Variants in SLC24A2 observed in about 807,000 individuals in gnomAD.
SLC24A2 encodes solute carrier family 24 member 2.
SLC24A2 carries 36 observed loss-of-function variants against 62.0 expected under a neutral mutation model. The ratio of observed to expected loss-of-function variants is 0.58; its 90% CI spans 0.44 to 0.77. SLC24A2 has a LOEUF of 0.77. Among genes scored for constraint, SLC24A2 ranks in the 30% least tolerant of loss-of-function variants. The pLI is 0.00. For missense variants in SLC24A2, 846 were observed against 817.9 expected, an observed-to-expected ratio of 1.03 and a Z score of -0.42; for synonymous variants, 358 against 294.0, an observed-to-expected ratio of 1.22 and a Z score of -2.23.
At chr9:20,111,971 CAG>C in the SLC24A2 span, among the ~76,000 whole-genome samples, 2 of 152,026 alleles carry the variant, frequency 1.3e-5, no homozygotes, top group East Asian at 1.9e-4. Flanking sequence ...TTGGAAGAAA[CAG>C]AGGAAAACCA....
At chr9:19,761,930 C>T (rs1011907490) in intron 2 of SLC24A2, among the ~76,000 whole-genome samples, 2 of 151,964 alleles carry the variant, frequency 1.3e-5, no homozygotes, top group Non-Finnish European at 2.9e-5. Flanking sequence ...TGAATAGTGC[C>T]GCAATAAACA....
At chr9:19,903,759 C>T in the SLC24A2 span, among the ~76,000 whole-genome samples, 1,917 of 152,254 alleles carry the variant, frequency 0.013, 45 homozygotes, top group African/African-American at 0.044. Context: ...TACACGAGAC[C>T]TCTTTAAGAT....
intron 2 of SLC24A2, among the ~76,000 whole-genome samples, chr9:19,676,384 T>C (rs1294356125): frequency 6.6e-6 from 1 of 152,204 alleles, no homozygotes; most frequent in Non-Finnish European, 1.5e-5. Flanking sequence ...TGCAATTTAG[T>C]CCTGCCTATT....
the SLC24A2 span, among the ~76,000 whole-genome samples, chr9:19,994,613 G>A: frequency 2.8e-4 from 42 of 152,300 alleles, 3 homozygotes; most frequent in East Asian, 1.9e-4. Flanking sequence ...TTGAGAGCCA[G>A]GAGTTGGCAT....
At chr9:20,050,789 G>A in the SLC24A2 span, among the ~76,000 whole-genome samples, 1 of 152,134 alleles carries the variant, frequency 6.6e-6, no homozygotes. Context: ...AATCAGTGAT[G>A]CAACTAATAT....
the SLC24A2 span, among the ~76,000 whole-genome samples, chr9:20,061,594 T>G: frequency 6.6e-6 from 1 of 152,188 alleles, no homozygotes; most frequent in Admixed American, 6.5e-5. Flanking sequence ...GCCAGTCAAT[T>G]GATTTTTAAC....
chr9:19,729,681 T>C (rs1267509362), intron 2 of SLC24A2, among the ~76,000 whole-genome samples: 2 of 151,588 alleles, frequency 1.3e-5, no homozygotes, highest in African/African-American at 4.8e-5. Context: ...CTCATAGAAG[T>C]AAAAAGAAGA....
chr9:19,757,605 C>T (rs1822182120), intron 2 of SLC24A2, among the ~76,000 whole-genome samples: 1 of 152,032 alleles, frequency 6.6e-6, no homozygotes, highest in Admixed American at 6.6e-5. Flanking sequence ...TCTAAAATAC[C>T]CCAATAAGCC....
the SLC24A2 span, among the ~76,000 whole-genome samples, chr9:20,179,299 T>C: frequency 2.0e-5 from 3 of 152,270 alleles, no homozygotes; most frequent in South Asian, 6.2e-4. Flanking sequence ...TCTGAGGTAG[T>C]GCACACCATA....
At chr9:19,560,470 A>C (rs932627012) in intron 7 of SLC24A2, among the ~76,000 whole-genome samples, 4 of 152,180 alleles carry the variant, frequency 2.6e-5, no homozygotes, top group African/African-American at 7.2e-5. Flanking sequence ...CTCTGTCTCT[A>C]TGTCCCCCTC....
At chr9:19,798,278 T>G in the SLC24A2 span, among the ~76,000 whole-genome samples, 1 of 152,202 alleles carries the variant, frequency 6.6e-6, no homozygotes, top group African/African-American at 2.4e-5. Flanking sequence ...GTTAGTAGTA[T>G]TGATTTGTTG....
At chr9:19,612,875 A>C (rs1837216856) in intron 4 of SLC24A2, among the ~76,000 whole-genome samples, 1 of 152,194 alleles carries the variant, frequency 6.6e-6, no homozygotes, top group South Asian at 2.1e-4. Context: ...CTGATAAAAA[A>C]CAATTTTCAT....
chr9:20,203,310 G>T, the SLC24A2 span, among the ~76,000 whole-genome samples: 51 of 152,186 alleles, frequency 3.4e-4, 1 homozygote, highest in Admixed American at 8.5e-4. Context: ...TGTGGTGGTG[G>T]CAATTAAACT....
At chr9:19,744,978 T>C (rs1260805380) in intron 2 of SLC24A2, among the ~76,000 whole-genome samples, 1 of 152,212 alleles carries the variant, frequency 6.6e-6, no homozygotes, top group East Asian at 1.9e-4. Context: ...TCTGGACATT[T>C]GTCATCCAAA....
At chr9:19,570,968 G>A (rs561993484) in intron 7 of SLC24A2, among the ~76,000 whole-genome samples, 1 of 152,302 alleles carries the variant, frequency 6.6e-6, no homozygotes, top group African/African-American at 2.4e-5. Context: ...TCCCCTTTGT[G>A]GAGACCTAGG....
At chr9:20,205,655 A>C in the SLC24A2 span, among the ~76,000 whole-genome samples, 2 of 150,268 alleles carry the variant, frequency 1.3e-5, no homozygotes, top group African/African-American at 4.9e-5. Flanking sequence ...CATCTAAAAA[A>C]AAAAAAAAAA....
chr9:20,135,312 A>C, the SLC24A2 span, among the ~76,000 whole-genome samples: 1 of 137,486 alleles, frequency 7.3e-6, no homozygotes, highest in African/African-American at 2.9e-5. Context: ...TTAAAATTTT[A>C]ATTTTTAATT....
At chr9:20,182,189 A>G in the SLC24A2 span, among the ~76,000 whole-genome samples, 28 of 152,362 alleles carry the variant, frequency 1.8e-4, 1 homozygote, top group African/African-American at 6.5e-4. Context: ...GGGAATGTAA[A>G]TTAGTTCAAC....
chr9:20,071,859 G>C, the SLC24A2 span, among the ~76,000 whole-genome samples: 1 of 152,064 alleles, frequency 6.6e-6, no homozygotes, highest in African/African-American at 2.4e-5. Flanking sequence ...TCCTCTTTGG[G>C]TTTAATTTGC....
Sources: gnomAD v4.1 joint callset for allele counts (sites outside exome capture counted in the v4.1 genomes callset) on GRCh38, gnomAD v4.1.1 for gene constraint, MANE v1.5 for transcripts, NCBI Gene and HGNC (gene_info 2026-07-23, HGNC 2026-07-21) for gene names.